Variants in DYNC1I1 observed in about 807,000 individuals in gnomAD.
DYNC1I1 encodes cytoplasmic dynein 1 intermediate chain 1.
DYNC1I1 carries 43 observed loss-of-function variants against 86.6 expected under a neutral mutation model. The observed-to-expected ratio is 0.50, with a 90% CI of 0.39 to 0.64. DYNC1I1 has a LOEUF of 0.64. Among genes scored for constraint, DYNC1I1 ranks in the 30% least tolerant of loss-of-function variants. DYNC1I1 has a pLI of 0.00. For synonymous variants in DYNC1I1, 262 were observed against 283.7 expected (o/e 0.92, Z 0.77); for missense variants, 604 against 788.8 (o/e 0.77, Z 2.81).
At chr7:96,095,243 C>A (rs1469175883) in intron 16 of DYNC1I1, among the ~76,000 whole-genome samples, 1 of 152,104 alleles carries the variant, frequency 6.6e-6, no homozygotes, top group South Asian at 2.1e-4. Context: ...CTGTTCTAAA[C>A]TGTGTGTAGA....
intron 6 of DYNC1I1, among the ~76,000 whole-genome samples, chr7:95,969,194 T>C (rs536114992): frequency 1.3e-3 from 192 of 152,280 alleles, no homozygotes; most frequent in African/African-American, 4.3e-3. Flanking sequence ...TTCTCTTCAG[T>C]GGCTAAAGAA....
At chr7:95,913,153 A>T (rs1791381743) in intron 6 of DYNC1I1, among the ~76,000 whole-genome samples, 1 of 152,156 alleles carries the variant, frequency 6.6e-6, no homozygotes, top group Non-Finnish European at 1.5e-5. Flanking sequence ...AGCCTAGTTC[A>T]TGGTTCTATC....
intron 6 of DYNC1I1, among the ~76,000 whole-genome samples, chr7:95,879,972 T>G (rs1790410133): frequency 2.0e-5 from 3 of 152,330 alleles, no homozygotes; most frequent in Admixed American, 1.3e-4. Flanking sequence ...ACGTGTTTGC[T>G]CTGCCATGTA....
intron 4 of DYNC1I1, among the ~76,000 whole-genome samples, chr7:95,826,779 A>C (rs1370553053): frequency 6.6e-6 from 1 of 152,204 alleles, no homozygotes; most frequent in Non-Finnish European, 1.5e-5. Context: ...GTAACATTTA[A>C]GCCAAGACAC....
chr7:95,973,543 A>T (rs941390852), intron 6 of DYNC1I1, among the ~76,000 whole-genome samples: 3 of 151,460 alleles, frequency 2.0e-5, no homozygotes, highest in Admixed American at 1.3e-4. Context: ...GTTTTTTTAG[A>T]CCGATCAAAA....
chr7:95,791,330 C>G (rs1227520785), intron 1 of DYNC1I1, among the ~76,000 whole-genome samples: 2 of 152,184 alleles, frequency 1.3e-5, no homozygotes, highest in Non-Finnish European at 1.5e-5. Context: ...CCCATGTTGT[C>G]TTGATTTAAC....
intron 5 of DYNC1I1, among the ~76,000 whole-genome samples, chr7:95,836,332 G>A (rs1385891076): frequency 6.6e-6 from 1 of 152,074 alleles, no homozygotes; most frequent in African/African-American, 2.4e-5. Flanking sequence ...TCTGCCGAGA[G>A]ATCCGCTGTT....
intron 6 of DYNC1I1, among the ~76,000 whole-genome samples, chr7:95,939,681 C>T (rs1344477465): frequency 1.3e-5 from 2 of 151,454 alleles, no homozygotes; most frequent in Admixed American, 1.3e-4. Flanking sequence ...TATTTTGAGC[C>T]TATGTGTGTC....
At chr7:95,977,222 G>A (rs933162800) in intron 6 of DYNC1I1, among the ~76,000 whole-genome samples, 5 of 152,178 alleles carry the variant, frequency 3.3e-5, no homozygotes, top group Non-Finnish European at 7.3e-5. Context: ...AGAGGTCAGG[G>A]AGGCAATTCC....
intron 14 of DYNC1I1, among the ~76,000 whole-genome samples, chr7:96,075,688 G>C (rs548408375): frequency 2.6e-5 from 4 of 152,180 alleles, no homozygotes; most frequent in African/African-American, 9.7e-5. Flanking sequence ...CCGCGGGTCT[G>C]AGCCGGGCCG....
In DYNC1I1 at chr7:96,028,159, T is replaced by C. The variant is rs1794725908; in HGVS notation, c.970-16T>C. On this transcript the variant is annotated splice_polypyrimidine_tract_variant and intron_variant, in intron 10 of 16. Transcript: ENST00000447467. The stretch of plus-strand genomic sequence containing the variant: ...TTCACATTGCATCTCTCTCTCTCTC[T>C]CCTTTTCCCTGACAGTCCTCTGTGA... 6.2e-7 allele frequency: 1 copy of C among 1,612,612 alleles called. No homozygotes were observed. The highest frequency in any genetic ancestry group is 8.5e-7 in the Non-Finnish European group (1 of 1,178,944).
At chr7:96,042,943 C>T (rs184482613) in intron 14 of DYNC1I1, among the ~76,000 whole-genome samples, 4 of 151,992 alleles carry the variant, frequency 2.6e-5, no homozygotes, top group Admixed American at 6.6e-5. Context: ...GGGTGGATCA[C>T]GAGGTCAGAA....
intron 6 of DYNC1I1, among the ~76,000 whole-genome samples, chr7:95,945,218 GA>G (rs1271137927): frequency 6.6e-6 from 1 of 151,774 alleles, no homozygotes; most frequent in African/African-American, 2.4e-5. Flanking sequence ...GTAGAGGGGG[GA>G]AAAAAGAAGT....
At chr7:95,856,817 A>G (rs1173127442) in intron 5 of DYNC1I1, among the ~76,000 whole-genome samples, 1 of 151,934 alleles carries the variant, frequency 6.6e-6, no homozygotes, top group East Asian at 1.9e-4. Flanking sequence ...CATCTCTACT[A>G]AAAATACAAA....
chr7:95,814,277 C>A (rs907580650), intron 4 of DYNC1I1, among the ~76,000 whole-genome samples: 3 of 152,152 alleles, frequency 2.0e-5, no homozygotes, highest in African/African-American at 7.2e-5. Flanking sequence ...ATGTTAATGA[C>A]TTTTGTTCCA....
chr7:95,879,167 G>C (rs937162052), intron 6 of DYNC1I1, among the ~76,000 whole-genome samples: 6 of 152,138 alleles, frequency 3.9e-5, no homozygotes, highest in African/African-American at 1.4e-4. Flanking sequence ...AGCACAAGTA[G>C]AGGTAGCTAT....
chr7:95,875,692 G>T (rs906351819), intron 6 of DYNC1I1, among the ~76,000 whole-genome samples: 1 of 152,226 alleles, frequency 6.6e-6, no homozygotes, highest in African/African-American at 2.4e-5. Context: ...CTGGCAGCAT[G>T]CTGGCTGACA....
intron 10 of DYNC1I1, among the ~76,000 whole-genome samples, chr7:96,004,282 T>TTA (rs1794087237): frequency 6.6e-6 from 1 of 152,204 alleles, no homozygotes; most frequent in Admixed American, 6.6e-5. Flanking sequence ...GGTGAAAGAT[T>TTA]TATCTTCGTT....
intron 6 of DYNC1I1, among the ~76,000 whole-genome samples, chr7:95,876,524 ATC>A (rs1161353235): frequency 1.4e-5 from 2 of 146,890 alleles, no homozygotes; most frequent in African/African-American, 5.2e-5. Context: ...TCAAATTCTA[ATC>A]TCTCTACTGG....
Sources: gnomAD v4.1 joint callset for allele counts (sites outside exome capture counted in the v4.1 genomes callset) on GRCh38, gnomAD v4.1.1 for gene constraint, MANE v1.5 for transcripts, NCBI Gene and HGNC (gene_info 2026-07-23, HGNC 2026-07-21) for gene names.